CDCA2: variants seen among roughly 807,000 people sequenced by gnomAD.
CDCA2 encodes cell division cycle associated 2, also known as cell division cycle-associated protein 2.
In CDCA2, 44 loss-of-function variants were observed where a neutral mutation model predicts 67.0. The ratio of observed to expected loss-of-function variants is 0.66; its 90% CI spans 0.52 to 0.84. The LOEUF is 0.84. Ranked by LOEUF, CDCA2 falls within the 40% of genes least tolerant of loss-of-function variation. The pLI is 0.00. For synonymous variants in CDCA2, 447 were observed against 418.7 expected, an observed-to-expected ratio of 1.07 and a Z score of -0.82; for missense variants, 1,253 against 1,203.2, an observed-to-expected ratio of 1.04 and a Z score of -0.61.
chr8:25,463,272 C>T (rs574385251), intron 4 of CDCA2, among the ~76,000 whole-genome samples: 122 of 152,082 alleles, frequency 8.0e-4, no homozygotes, highest in South Asian at 3.1e-3. Flanking sequence ...TATACATCCC[C>T]CTAAAAAGTC....
At chr8:25,501,115 A>G (rs2117550216) in intron 13 of CDCA2, among the ~76,000 whole-genome samples, 1 of 152,336 alleles carries the variant, frequency 6.6e-6, no homozygotes, top group African/African-American at 2.4e-5. Context: ...CTGGAAAAAT[A>G]TTTAACCCAG....
In CDCA2 at chr8:25,506,469, T is replaced by C. The variant is rs555293626; in HGVS notation, c.1844-41T>C. On this transcript the variant is annotated intron_variant, in intron 14 of 14. Transcript: ENST00000330560. Reference sequence around the variant, plus strand: ...ATAAATGTAAAGTTCATTCCCATTGTTACTTTTTAATTAGATTTAAACCTA... The same window carrying C: ...ATAAATGTAAAGTTCATTCCCATTGCTACTTTTTAATTAGATTTAAACCTA... The C allele has an allele frequency of 1.1e-5, 17 of 1,485,562 alleles. No individual in the cohort carries two copies. The South Asian group carries it at 2.2e-4, about 20-fold the overall frequency. 92.0% of individuals were successfully genotyped at this position (1,485,562 alleles called of 1,614,324 possible).
chr8:25,466,165 A>T lies in CDCA2; in HGVS notation c.388-10A>T, dbSNP rs899095323. ...TTATAATACTCCTTGTATATTTTGC[A>T]CTTTCACAGGGCAGCCCTGCACTGT... is the stretch of plus-strand genomic sequence containing the variant. On this transcript the variant is annotated splice_polypyrimidine_tract_variant and intron_variant, in intron 4 of 14. Coordinates refer to ENST00000330560, the MANE Select transcript of CDCA2 (RefSeq NM_152562.4). 1 of 1,588,102 alleles carries T rather than the reference A, an allele frequency of 6.3e-7. No homozygotes were observed. The highest frequency in any genetic ancestry group is 8.5e-7 in the Non-Finnish European group (1 of 1,173,344).
At chr8:25,479,813 T>C (rs1803496060) in intron 7 of CDCA2, 100 bp from the exon 8 acceptor site, 1 of 1,100,398 alleles carries the variant, frequency 9.1e-7, no homozygotes, top group South Asian at 1.4e-5. Context: ...TTGAATTTCT[T>C]CATAGCATGT....
intron 5 of CDCA2, among the ~76,000 whole-genome samples, chr8:25,467,053 A>AAC (rs1554520276): frequency 1.4e-5 from 2 of 140,666 alleles, no homozygotes; most frequent in Non-Finnish European, 3.0e-5. Flanking sequence ...AAAAAAAAAA[A>AAC]AAAAAAAAAA....
At chr8:25,488,905 C>T (rs925055313) in intron 13 of CDCA2, among the ~76,000 whole-genome samples, 10 of 152,172 alleles carry the variant, frequency 6.6e-5, no homozygotes, top group African/African-American at 2.4e-4. Flanking sequence ...TCTTGTGTTG[C>T]GTACTTCCTG....
chr8:25,475,354 A>G (rs1226722072), intron 7 of CDCA2, among the ~76,000 whole-genome samples: 1 of 152,108 alleles, frequency 6.6e-6, no homozygotes, highest in African/African-American at 2.4e-5. Flanking sequence ...TCCCGGCTCT[A>G]CTAAAAATAC....
chr8:25,491,898 A>G (rs1307637740), intron 13 of CDCA2, among the ~76,000 whole-genome samples: 1 of 152,032 alleles, frequency 6.6e-6, no homozygotes, highest in Non-Finnish European at 1.5e-5. Context: ...CCTGGGTTCA[A>G]GCAATTCTCC....
rs1802896282 is a variant in CDCA2, at chr8:25,466,227, C to T, written c.440C>T (p.Ala147Val). ...AACACTTTAAGAGAACGAATATCAG[C>T]CTTCCAGTCAGCTTTTCACTCCATA... Reference protein sequence around the residue: ...NVNTLRERISAFQSAFHSIKE... With the variant: ...NVNTLRERISVFQSAFHSIKE... The change falls in exon 5 of 15, where the codon GCC (alanine) becomes GTC (valine). Residue 147 changes from alanine to valine, a missense_variant. Physicochemically the swap from Ala to Val is moderately conservative, Grantham distance 64. Coordinates refer to ENST00000330560, the MANE Select transcript of CDCA2 (RefSeq NM_152562.4). 8 of 1,611,422 alleles carry T rather than the reference C, an allele frequency of 5.0e-6. No homozygotes were observed. The highest frequency in any genetic ancestry group is 1.3e-5 in the African/African-American group (1 of 74,754).
chr8:25,502,249 A>G (rs1007162025), intron 13 of CDCA2, among the ~76,000 whole-genome samples: 2 of 152,088 alleles, frequency 1.3e-5, no homozygotes, highest in Non-Finnish European at 2.9e-5. Flanking sequence ...TCTCTTCAAC[A>G]TTGTCACATT....
rs763416011 is a variant in CDCA2 at position 25,507,076 on chromosome 8, T to C, written c.2410T>C (p.Ser804Pro). The change falls in exon 15 of 15, where the codon TCT becomes CCT. Residue 804 changes from serine to proline, a missense_variant. By Grantham distance (74) the Ser-to-Pro change is moderately conservative. Transcript: ENST00000330560. ...TGTCTTAATTGAAAATACGAAAGAA[T>C]CTAAAAGCCAGAGTGAGGATTTGGG... ...GDVLIENTKE[S>P]KSQSEDLGRK... 1 of 1,613,938 alleles carries C rather than the reference T, an allele frequency of 6.2e-7. No individual in the cohort carries two copies. Among genetic ancestry groups the C allele is most frequent in the African/African-American group, 1.3e-5 (1 of 74,962 alleles).
chr8:25,462,199 T>C lies in CDCA2; in HGVS notation c.378T>C (p.Ser126=). 1.9e-6 allele frequency: 3 copies of C among 1,614,046 alleles called. No homozygotes were observed. The highest frequency in any genetic ancestry group is 2.5e-6 in the Non-Finnish European group (3 of 1,179,902). Residue 126 remains serine, a synonymous_variant, in exon 4 of 15, where the codon TCT becomes TCC. Coordinates refer to ENST00000330560, the MANE Select transcript of CDCA2 (RefSeq NM_152562.4). The part of the protein sequence containing the change: ...NARKSPLAQD[S]PSQGSPALYR... ...GGAAATCTCCTTTGGCACAAGATTC[T>C]CCTTCCCAGGTATGATTTTCTTCTA...
intron 11 of CDCA2, 58 bp from the exon 12 acceptor site, chr8:25,487,188 G>T: frequency 2.0e-6 from 2 of 1,000,358 alleles, no homozygotes; most frequent in South Asian, 1.3e-5. Flanking sequence ...TCCAAAGGAA[G>T]ATGTATGTTA....
At chr8:25,459,526 C>T (rs1802589048) in intron 1 of CDCA2, 53 bp downstream of exon 1, 1 of 152,352 alleles carries the variant, frequency 6.6e-6, no homozygotes, top group Admixed American at 6.5e-5. Flanking sequence ...CATTTCTAGG[C>T]ACTTTGTTCG....
At chr8:25,497,497 AATAAAAAAT>A (rs1423590612) in intron 13 of CDCA2, among the ~76,000 whole-genome samples, 3 of 24,344 alleles carry the variant, frequency 1.2e-4, no homozygotes, top group East Asian at 7.8e-3. Flanking sequence ...ATCTTTAAAA[AATAAAAAAT>A]AAAAAAAAAA....
At chr8:25,460,214 T>C in intron 1 of CDCA2, 26 bp from the exon 2 acceptor site, 8 of 1,612,892 alleles carry the variant, frequency 5.0e-6, no homozygotes, top group Non-Finnish European at 6.8e-6. Context: ...TGGGGTTATT[T>C]TTCATTGTTT....
In CDCA2 at chr8:25,507,426, A is replaced by C; in HGVS notation, c.2760A>C (p.Lys920Asn). Reference protein sequence around the residue: ...LPLPSTSQKAKRRTICTFDSS... With the variant: ...LPLPSTSQKANRRTICTFDSS... ...TTCCTTCCACTTCCCAAAAAGCCAAAAGAAGAACAATATGTACATTTGACA... is the reference window on the plus strand; with the variant it reads ...TTCCTTCCACTTCCCAAAAAGCCAACAGAAGAACAATATGTACATTTGACA... Residue 920 changes from lysine (K) to asparagine (N), a missense_variant, in exon 15 of 15, where the codon AAA becomes AAC. Transcript: ENST00000330560. 1 of 1,614,088 alleles carries C rather than the reference A, an allele frequency of 6.2e-7. No individual in the cohort carries two copies. Among genetic ancestry groups the C allele is most frequent in the Non-Finnish European group, 8.5e-7 (1 of 1,180,004 alleles).
intron 10 of CDCA2, among the ~76,000 whole-genome samples, chr8:25,485,158 A>C (rs1368926430): frequency 6.0e-5 from 9 of 149,830 alleles, no homozygotes; most frequent in African/African-American, 2.2e-4. Context: ...CATGTTGTGC[A>C]CATGCACCCT....
rs1372930402 is a variant in CDCA2 at position 25,498,061 on chromosome 8, A to C, written c.1672-5312A>C. Among the ~76,000 whole-genome samples, 12 of 152,168 alleles carry C rather than the reference A, an allele frequency of 7.9e-5. No homozygotes were observed. In the East Asian group the frequency reaches 2.1e-3, roughly 27 times the overall value. On this transcript the variant is annotated intron_variant, in intron 13 of 14. Coordinates refer to ENST00000330560, the MANE Select transcript of CDCA2 (RefSeq NM_152562.4). ...AAAGAGACTAAAAGACATGAATCAA[A>C]TGGTATGTGTGGAGATCTTATTGGG...
Sources: gnomAD v4.1 joint callset for allele counts (sites outside exome capture counted in the v4.1 genomes callset) on GRCh38, gnomAD v4.1.1 for gene constraint, MANE v1.5 for transcripts, NCBI Gene and HGNC (gene_info 2026-07-23, HGNC 2026-07-21) for gene names.